MYRIP: variants seen among roughly 807,000 people sequenced by gnomAD.
MYRIP encodes myosin VIIA and Rab interacting protein.
In MYRIP, 49 loss-of-function variants were observed where a neutral mutation model predicts 98.0. That is an observed-to-expected ratio of 0.50 (90% CI 0.40 to 0.63). The LOEUF is 0.63. MYRIP is among the 30% of genes least tolerant of loss of function. MYRIP has a pLI of 0.00. For missense variants in MYRIP, 1,004 were observed against 1,058.2 expected (o/e 0.95, Z 0.71); for synonymous variants, 404 against 409.5 (o/e 0.99, Z 0.16).
At chr3:40,003,739 A>G (rs1181929557) in intron 2 of MYRIP, among the ~76,000 whole-genome samples, 5 of 152,330 alleles carry the variant, frequency 3.3e-5, no homozygotes, top group African/African-American at 4.8e-5. Flanking sequence ...TCAGATCCAC[A>G]TTCATTTAGT....
At chr3:40,134,324 C>A (rs993439417) in intron 3 of MYRIP, among the ~76,000 whole-genome samples, 3 of 152,228 alleles carry the variant, frequency 2.0e-5, no homozygotes, top group African/African-American at 4.8e-5. Flanking sequence ...AAGGCGGCAG[C>A]GAGGCTGCGG....
intron 10 of MYRIP, among the ~76,000 whole-genome samples, chr3:40,194,876 G>A (rs1033615718): frequency 3.3e-5 from 5 of 152,066 alleles, no homozygotes; most frequent in Admixed American, 2.0e-4. Context: ...TATAGAAACT[G>A]TTAATTTCAT....
At position 39,973,102 on chromosome 3, in the gene MYRIP, C is replaced by T. The variant is rs538336308; in HGVS notation, c.111-70948C>T. Among the ~76,000 whole-genome samples, 211 of 152,130 alleles carry T rather than the reference C, an allele frequency of 1.4e-3. 2 individuals carry two copies. Among genetic ancestry groups the T allele is most frequent in the African/African-American group, 4.7e-3 (196 of 41,514 alleles). ...AAATGCCCCAATTAAAAGACACAGA[C>T]TGGCAAATTGGATAAAGAGTCAAGA... On this transcript the variant is annotated intron_variant, in intron 2 of 16. Coordinates refer to ENST00000302541, the MANE Select transcript of MYRIP (RefSeq NM_015460.4).
chr3:39,906,418 T>C (rs1943879999), intron 2 of MYRIP, among the ~76,000 whole-genome samples: 1 of 152,168 alleles, frequency 6.6e-6, no homozygotes, highest in African/African-American at 2.4e-5. Context: ...TAGCTTTGAT[T>C]GCCCTCTCTG....
intron 10 of MYRIP, among the ~76,000 whole-genome samples, chr3:40,204,897 C>T (rs1045198807): frequency 6.6e-6 from 1 of 152,140 alleles, no homozygotes; most frequent in Non-Finnish European, 1.5e-5. Context: ...GGTCTGTTCC[C>T]TGTCCTGCTC....
intron 3 of MYRIP, among the ~76,000 whole-genome samples, chr3:40,089,085 G>C (rs1240308434): frequency 6.6e-6 from 1 of 152,122 alleles, no homozygotes; most frequent in East Asian, 1.9e-4. Flanking sequence ...CCAGAAAGTA[G>C]CAGCTTACAG....
chr3:39,996,298 C>G (rs1946352525), intron 2 of MYRIP, among the ~76,000 whole-genome samples: 1 of 152,094 alleles, frequency 6.6e-6, no homozygotes, highest in Admixed American at 6.5e-5. Context: ...ATCTCACATG[C>G]AGAGACACAC....
rs1377028801 is a variant in MYRIP at position 40,260,168 on chromosome 3, T to C, written c.*2002T>C. On this transcript the variant is annotated 3_prime_UTR_variant, in exon 17 of 17. Transcript: ENST00000302541. ...ATATTTATATTTAGATTAATTTTTA[T>C]AAATGAAAATATTTTAATGGTTTAA... The C allele has an allele frequency of 6.6e-6, 1 of 152,402 alleles. No individual in the cohort carries two copies. Among genetic ancestry groups the C allele is most frequent in the Admixed American group, 6.5e-5 (1 of 15,290 alleles). 9.4% of individuals were successfully genotyped at this position (152,402 alleles called of 1,614,324 possible).
At chr3:40,067,767 A>C (rs1948152201) in intron 3 of MYRIP, among the ~76,000 whole-genome samples, 1 of 141,054 alleles carries the variant, frequency 7.1e-6, no homozygotes, top group Non-Finnish European at 1.6e-5. Flanking sequence ...AGAGATGGTA[A>C]CATTTTCAAT....
chr3:40,025,378 G>A (rs999430153), intron 2 of MYRIP, among the ~76,000 whole-genome samples: 14 of 151,906 alleles, frequency 9.2e-5, no homozygotes, highest in East Asian at 3.9e-4. Context: ...TTATAACACC[G>A]TCAGGGGCAG....
chr3:39,994,441 C>T (rs1012821373), intron 2 of MYRIP, among the ~76,000 whole-genome samples: 3 of 152,246 alleles, frequency 2.0e-5, no homozygotes, highest in Admixed American at 2.0e-4. Flanking sequence ...TCGCTCATTG[C>T]TAGCACAGCA....
intron 3 of MYRIP, among the ~76,000 whole-genome samples, chr3:40,072,339 G>A (rs576150064): frequency 6.6e-6 from 1 of 152,110 alleles, no homozygotes; most frequent in Non-Finnish European, 1.5e-5. Flanking sequence ...CTCCTGAGTA[G>A]CTGGGAATAT....
chr3:39,831,154 C>A (rs980736636), intron 1 of MYRIP, among the ~76,000 whole-genome samples: 1 of 152,056 alleles, frequency 6.6e-6, no homozygotes, highest in Admixed American at 6.6e-5. Context: ...TTCTGCTTGA[C>A]CTCTTAGTGT....
At chr3:39,976,429 A>C (rs1478356983) in intron 2 of MYRIP, among the ~76,000 whole-genome samples, 1 of 152,178 alleles carries the variant, frequency 6.6e-6, no homozygotes, top group Non-Finnish European at 1.5e-5. Flanking sequence ...AAATAGGAAC[A>C]CTTTTACACT....
chr3:39,930,263 T>C (rs953360671), intron 2 of MYRIP, among the ~76,000 whole-genome samples: 55 of 152,194 alleles, frequency 3.6e-4, no homozygotes, highest in African/African-American at 1.2e-3. Context: ...GGTATATCAT[T>C]GTGGTTTTGA....
At chr3:39,881,285 A>G (rs552848587) in intron 1 of MYRIP, among the ~76,000 whole-genome samples, 1 of 152,222 alleles carries the variant, frequency 6.6e-6, no homozygotes, top group East Asian at 1.9e-4. Flanking sequence ...CAAATATCTG[A>G]TAATCTTGGG....
intron 2 of MYRIP, among the ~76,000 whole-genome samples, chr3:39,986,775 G>A (rs1355630239): frequency 6.6e-6 from 1 of 152,174 alleles, no homozygotes; most frequent in Non-Finnish European, 1.5e-5. Context: ...TAATGCAGGA[G>A]AACAAAGGCA....
At chr3:40,174,481 A>G (rs2125604227) in intron 8 of MYRIP, 1 of 152,352 alleles carries the variant, frequency 6.6e-6, no homozygotes, top group East Asian at 1.9e-4. Flanking sequence ...GAGAATAAAG[A>G]GAAATCTGTT....
At chr3:39,938,179 C>A (rs1350341104) in intron 2 of MYRIP, among the ~76,000 whole-genome samples, 2 of 152,206 alleles carry the variant, frequency 1.3e-5, no homozygotes, top group Non-Finnish European at 2.9e-5. Context: ...ATAATGCCAG[C>A]CTTGAATTCT....
Sources: allele counts gnomAD v4.1 joint callset (sites outside exome capture counted in the v4.1 genomes callset), GRCh38; gene constraint gnomAD v4.1.1; transcripts MANE v1.5; gene names NCBI Gene and HGNC (gene_info 2026-07-23, HGNC 2026-07-21).